The following KMT2C variants were observed in gnomAD, a reference collection of about 807,000 sequenced individuals.
KMT2C encodes lysine methyltransferase 2C.
In KMT2C, 88 loss-of-function variants were observed where a neutral mutation model predicts 507.9. The ratio of observed to expected loss-of-function variants is 0.17; its 90% CI spans 0.15 to 0.21. The LOEUF (loss-of-function observed/expected upper bound fraction) is 0.21, where lower values mean the gene tolerates loss of function less well. KMT2C is among the 10% of genes least tolerant of loss of function. The pLI is 1.00. For synonymous variants in KMT2C, 2,049 were observed against 2,080.8 expected (o/e 0.98, Z 0.42); for missense variants, 4,954 against 5,957.8 (o/e 0.83, Z 5.55).
Position 152,138,554 on chromosome 7 carries a change from C to A in KMT2C, c.14643+242G>T. ...CCTGGGTGCCATGGGGATGCTGAAC[C>A]CGTGGCACAGAAGGGAAGGGAGAGG... On this transcript the variant is annotated intron_variant, in intron 58 of 58. Transcript: ENST00000262189. The surrounding 1 kb of genome is among the most constrained non-coding windows in gnomAD (Gnocchi z 4.2). 2 of 388,204 alleles carry A rather than the reference C, an allele frequency of 5.2e-6. No individual in the cohort carries two copies. Among genetic ancestry groups the A allele is most frequent in the Non-Finnish European group, 4.7e-6 (1 of 214,906 alleles). 24.0% of individuals were successfully genotyped at this position (388,204 alleles called of 1,614,324 possible).
rs749505031 is a variant in KMT2C at position 152,194,273 on chromosome 7, T to TA, written c.4508-13dup. On this transcript the variant is annotated splice_polypyrimidine_tract_variant and intron_variant, in intron 29 of 58. Transcript: ENST00000262189. ...TCCAAGAATTGCTCCTAGAATAAAT[T>TA]AAAAAAAAAAAAGAAACATTAACAG... 0.027 allele frequency: 29,547 copies of TA among 1,077,170 alleles called. 2 individuals are homozygous for TA. The highest frequency in any genetic ancestry group is 0.03 in the South Asian group (1,754 of 57,772). The allele number at this position is 1,077,170 out of a possible 1,614,324, so 66.7% of individuals were successfully genotyped here. A position where few individuals can be genotyped will look rare whatever the true frequency, so the allele number is the denominator to read the frequency against.
rs2129112788 is a variant in KMT2C at position 152,176,298 on chromosome 7, G to A, written c.9155C>T (p.Pro3052Leu). Reference protein sequence around the residue: ...RERPLLLEEQPLLLQDLLDQE... With the variant: ...RERPLLLEEQLLLLQDLLDQE... ...ATCCAAAAGATCCTGTAGAAGTAGAGGCTGTTCTTCTAGAAGAAGGGGCCT... is the reference window on the plus strand; with the variant it reads ...ATCCAAAAGATCCTGTAGAAGTAGAAGCTGTTCTTCTAGAAGAAGGGGCCT... The change falls in exon 38 of 59, where the codon CCT becomes CTT. Residue 3052 changes from proline to leucine, a missense_variant. Coordinates refer to ENST00000262189, the MANE Select transcript of KMT2C (RefSeq NM_170606.3). The A allele has an allele frequency of 6.2e-7, 1 of 1,614,158 alleles. No homozygotes were observed. The highest frequency in any genetic ancestry group is 8.5e-7 in the Non-Finnish European group (1 of 1,180,028).
intron 2 of KMT2C, among the ~76,000 whole-genome samples, chr7:152,334,697 T>C (rs577021241): frequency 1.3e-5 from 2 of 151,926 alleles, no homozygotes; most frequent in African/African-American, 4.8e-5. Flanking sequence ...CAGACTGGAA[T>C]GGACATGACA....
At chr7:152,259,075 A>G (rs2095711114) in intron 9 of KMT2C, among the ~76,000 whole-genome samples, 1 of 151,994 alleles carries the variant, frequency 6.6e-6, no homozygotes, top group Non-Finnish European at 1.5e-5. Flanking sequence ...ATCTAATTAT[A>G]AGGGGATATC....
At chr7:152,386,337 C>T (rs1263891585) in intron 1 of KMT2C, among the ~76,000 whole-genome samples, 1 of 152,304 alleles carries the variant, frequency 6.6e-6, no homozygotes, top group African/African-American at 2.4e-5. Context: ...TCATTATCAT[C>T]CCCCTTCCCA....
intron 1 of KMT2C, among the ~76,000 whole-genome samples, chr7:152,363,575 G>A (rs2097213428): frequency 6.6e-6 from 1 of 152,100 alleles, no homozygotes; most frequent in Non-Finnish European, 1.5e-5. Context: ...GGGAACAAAG[G>A]GAAAGAAACA....
At chr7:152,268,783 T>C (rs1156284831) in intron 7 of KMT2C, among the ~76,000 whole-genome samples, 1 of 152,174 alleles carries the variant, frequency 6.6e-6, no homozygotes, top group Non-Finnish European at 1.5e-5. Context: ...TATACTTTCC[T>C]AGGAACACTA....
rs775182680 is a variant in KMT2C, at chr7:152,163,629, G to A, written c.9948C>T (p.His3316=). The A allele has an allele frequency of 6.2e-7, 1 of 1,611,420 alleles. No individual in the cohort carries two copies. The highest frequency in any genetic ancestry group is 8.5e-7 in the Non-Finnish European group (1 of 1,178,494). The change falls in exon 43 of 59, where the codon CAC becomes CAT. Residue 3316 remains histidine, a synonymous_variant. Transcript: ENST00000262189. ...TAGTATGGCCAGAAATAACTGTTGT[G>A]TGCTGCTGGTGCTGAAGCTGCTGTG... The part of the protein sequence containing the change: ...MVPQQLQHQQ[H]TTVISGHTSP...
chr7:152,394,548 A>AGGC (rs1353195327), intron 1 of KMT2C, among the ~76,000 whole-genome samples: 6 of 152,334 alleles, frequency 3.9e-5, no homozygotes, highest in African/African-American at 1.4e-4. Flanking sequence ...CAGCTCACTG[A>AGGC]GGCCTTCTCT....
chr7:152,290,282 ATATATATATATATTTTTTTTTTTTTTTT>A (rs2096399010), intron 6 of KMT2C, among the ~76,000 whole-genome samples: 9 of 32,896 alleles, frequency 2.7e-4, no homozygotes, highest in African/African-American at 1.2e-3. Flanking sequence ...ATATATATAT[ATATATATATATATTTTTTTTTTTTTTTT>A]TTTTTTTTTT....
intron 6 of KMT2C, among the ~76,000 whole-genome samples, chr7:152,295,823 T>C (rs1430572231): frequency 1.3e-5 from 2 of 152,006 alleles, no homozygotes; most frequent in Non-Finnish European, 2.9e-5. Flanking sequence ...TCCCAGCACT[T>C]TGGGAGGCCG....
intron 44 of KMT2C, chr7:152,157,656 T>C: frequency 3.0e-6 from 2 of 676,324 alleles, no homozygotes; most frequent in South Asian, 6.1e-5. Context: ...TTAATAAAAC[T>C]TGGAAGAGTA....
intron 27 of KMT2C, among the ~76,000 whole-genome samples, chr7:152,197,429 T>C (rs2093996941): frequency 6.6e-6 from 1 of 152,206 alleles, no homozygotes; most frequent in Non-Finnish European, 1.5e-5. Flanking sequence ...CCAGGTCAAA[T>C]ACTTCTGTCA....
At chr7:152,285,684 A>G (rs1337833200) in intron 6 of KMT2C, among the ~76,000 whole-genome samples, 1 of 152,236 alleles carries the variant, frequency 6.6e-6, no homozygotes, top group Non-Finnish European at 1.5e-5. Context: ...GCTAAAATCT[A>G]TATTTAAATA....
At chr7:152,305,249 A>AT (rs1049566958) in intron 6 of KMT2C, among the ~76,000 whole-genome samples, 3 of 152,238 alleles carry the variant, frequency 2.0e-5, no homozygotes, top group African/African-American at 7.2e-5. Context: ...GTCAGAGGTG[A>AT]TAAGTACGAA....
intron 1 of KMT2C, chr7:152,368,438 T>G: frequency 8.6e-7 from 1 of 1,164,384 alleles, no homozygotes; most frequent in South Asian, 1.3e-5. Flanking sequence ...GTGTTAGAGA[T>G]GAAGGTCAAA....
At chr7:152,158,239 C>T (rs977770330) in intron 44 of KMT2C, among the ~76,000 whole-genome samples, 3 of 152,254 alleles carry the variant, frequency 2.0e-5, no homozygotes, top group Non-Finnish European at 2.9e-5. Flanking sequence ...CTCCCACCTT[C>T]TGTAACAACC....
At chr7:152,187,195 A>T in intron 33 of KMT2C, 67 bp downstream of exon 33, 2 of 223,124 alleles carry the variant, frequency 9.0e-6, no homozygotes, top group Non-Finnish European at 1.5e-5. Flanking sequence ...TATTGCAGTT[A>T]AAAAAAAAAA....
At chr7:152,210,712 CTAAG>C (rs1308518028) in intron 23 of KMT2C, among the ~76,000 whole-genome samples, 1 of 151,468 alleles carries the variant, frequency 6.6e-6, no homozygotes, top group Non-Finnish European at 1.5e-5. Context: ...AATTAACAGA[CTAAG>C]TAGGAAGAAA....
Sources: gnomAD v4.1 joint callset for allele counts (sites outside exome capture counted in the v4.1 genomes callset) on GRCh38, gnomAD v4.1.1 for gene constraint, Gnocchi (gnomAD v3.1) non-coding constraint, MANE v1.5 for transcripts, NCBI Gene and HGNC (gene_info 2026-07-23, HGNC 2026-07-21) for gene names.